Variants in OSCAR observed in about 807,000 individuals in gnomAD.
OSCAR encodes the protein osteoclast-associated immunoglobulin-like receptor.
In OSCAR, 25 loss-of-function variants were observed where a neutral mutation model predicts 27.3. That is an observed-to-expected ratio of 0.92 (90% CI 0.67 to 1.28). The LOEUF is 1.28. Ranked by LOEUF, OSCAR falls within the 50% of genes most tolerant of loss-of-function variation. The pLI, the probability that OSCAR is intolerant of heterozygous loss-of-function variation, is 0.00. For synonymous variants in OSCAR, 158 were observed against 165.7 expected, an observed-to-expected ratio of 0.95 and a Z score of 0.36; for missense variants, 354 against 355.1, an observed-to-expected ratio of 1.00 and a Z score of 0.03.
chr19:54,095,930 C>A lies in OSCAR; in HGVS notation c.597G>T (p.Thr199=), dbSNP rs1438868016. 7.6e-6 allele frequency: 12 copies of A among 1,585,090 alleles called. No individual in the cohort carries two copies. The Admixed American group carries it at 2.2e-4, about 29-fold the overall frequency. The part of the protein sequence containing the change: ...APGTYSCYYH[T]PSAPYVLSQR... ...GCGACAGCACGTAGGGCGCGGAGGG[C>A]GTGTGATAGTAGCAGCTGTAGGTGC... The change falls in exon 4 of 5, where the codon ACG becomes ACT. Residue 199 remains threonine, a synonymous_variant. Transcript: ENST00000358375.
chr19:54,098,131 T>C (rs1347916617), intron 2 of OSCAR, among the ~76,000 whole-genome samples: 1 of 152,152 alleles, frequency 6.6e-6, no homozygotes, highest in East Asian at 1.9e-4. Flanking sequence ...CTTCTTAAAA[T>C]ATAAAATAAA....
At chr19:54,099,494 T>G in intron 2 of OSCAR, 1 of 1,209,134 alleles carries the variant, frequency 8.3e-7, no homozygotes, top group Non-Finnish European at 1.2e-6. Context: ...TGTGACTTGT[T>G]CTAGGTCATA....
Position 54,097,135 on chromosome 19 carries a change from A to G in OSCAR, c.100T>C (p.Trp34Arg), listed in dbSNP as rs2072789382. 6.2e-7 allele frequency: 1 copy of G among 1,613,994 alleles called. No homozygotes were observed. The highest frequency in any genetic ancestry group is 1.3e-5 in the African/African-American group (1 of 74,910). Residue 34 changes from tryptophan (W) to arginine (R), a missense_variant, in exon 3 of 5, where the codon TGG (tryptophan) becomes CGG (arginine). Physicochemically the swap from Trp to Arg is moderately radical, Grantham distance 101 (BLOSUM62 -3). Transcript: ENST00000358375. ...ACTGTAGCCGGCTGAGCTCCCAGCCATGGCTTAGGGTGGTATGAAGCTGGG... is the reference window on the plus strand; with the variant it reads ...ACTGTAGCCGGCTGAGCTCCCAGCCGTGGCTTAGGGTGGTATGAAGCTGGG... ...VPPASYHPKP[W>R]LGAQPATVVT...
chr19:54,094,901 C>G lies in OSCAR; in HGVS notation c.*320G>C. 3.2e-6 allele frequency: 1 copy of G among 315,262 alleles called. No individual in the cohort carries two copies. The highest frequency in any genetic ancestry group is 5.6e-5 in the East Asian group (1 of 17,876). The allele number at this position is 315,262 out of a possible 1,614,324, so 19.5% of individuals were successfully genotyped here. Reference sequence around the variant, plus strand: ...AAAGTTCTCCAGGTCCCCATTCAACCCAGGAAGTCCAGCTGGCTTCACGTC... The same window carrying G: ...AAAGTTCTCCAGGTCCCCATTCAACGCAGGAAGTCCAGCTGGCTTCACGTC... On this transcript the variant is annotated 3_prime_UTR_variant, in exon 5 of 5. Transcript: ENST00000358375.
In OSCAR at chr19:54,097,315, T is replaced by A. The variant is rs587609264; in HGVS notation, c.71-151A>T. 2.4e-4 allele frequency: 188 copies of A among 799,984 alleles called. 1 individual carries two copies. Among genetic ancestry groups the A allele is most frequent in the South Asian group, 9.1e-4 (49 of 53,910 alleles). 49.6% of individuals were successfully genotyped at this position (799,984 alleles called of 1,614,324 possible). On this transcript the variant is annotated intron_variant, in intron 2 of 4. Transcript: ENST00000358375. ...TTGTAAAATCAGGGAGAGACTGGAC[T>A]ACAATCAAGCCTTGTTAAAACCAGG... is the stretch of plus-strand genomic sequence containing the variant.
rs1277935417 is a variant in OSCAR at position 54,096,866 on chromosome 19, C to CA, written c.368dup (p.Thr124AspfsTer127). The CA allele has an allele frequency of 6.2e-7, 1 of 1,612,724 alleles. No homozygotes were observed. On this transcript the variant is annotated frameshift_variant, in exon 3 of 5. Transcript: ENST00000358375. LOFTEE classifies it high-confidence loss of function. ...TCCCCGACCCCAGGACCTCACCTGT[C>CA]ACCAGCAGCTCCAGGACATCGCTGG... is the stretch of plus-strand genomic sequence containing the variant.
At chr19:54,096,774 C>T (rs375480898) in intron 3 of OSCAR, 88 bp downstream of exon 3, 11 of 1,415,416 alleles carry the variant, frequency 7.8e-6, no homozygotes, top group Admixed American at 6.6e-5. Context: ...TTGCCCGCCT[C>T]GCTCTGTCTC....
chr19:54,099,500 T>C (rs371756337), intron 2 of OSCAR: 3 of 1,239,410 alleles, frequency 2.4e-6, no homozygotes, highest in East Asian at 2.3e-5. Flanking sequence ...TTGTTCTAGG[T>C]CATATGGTCA....
Position 54,095,071 on chromosome 19 carries a change from G to T in OSCAR, c.*150C>A. On this transcript the variant is annotated 3_prime_UTR_variant, in exon 5 of 5. Coordinates refer to ENST00000358375, the MANE Select transcript of OSCAR (RefSeq NM_133169.6). ...CTCCTTGGGAAAGGCCTGGAAAGAA[G>T]CTACAGCACAGGGCACAGCGGGGTC... The T allele has an allele frequency of 7.8e-7, 1 of 1,282,518 alleles. No individual in the cohort carries two copies. The highest frequency in any genetic ancestry group is 1.0e-6 in the Non-Finnish European group (1 of 970,282). 79.4% of individuals were successfully genotyped at this position (1,282,518 alleles called of 1,614,324 possible). A position where few individuals can be genotyped will look rare whatever the true frequency, so the allele number is the denominator to read the frequency against.
intron 4 of OSCAR, 115 bp downstream of exon 4, chr19:54,095,757 C>T (rs868079201): frequency 5.4e-5 from 80 of 1,487,540 alleles, no homozygotes; most frequent in Non-Finnish European, 6.5e-5. Flanking sequence ...CAGGACTAGA[C>T]CCCTGGGTCT....
chr19:54,100,628 T>C (rs2146314106), intron 1 of OSCAR, 128 bp downstream of exon 1: 6 of 1,013,594 alleles, frequency 5.9e-6, no homozygotes, highest in Middle Eastern at 6.3e-4. Context: ...CCCAGCCCTG[T>C]TCTTTATTTG....
rs774941662 is a variant in OSCAR at position 54,099,765 on chromosome 19, G to A, written c.53C>T (p.Thr18Ile). Residue 18 changes from threonine (T) to isoleucine (I), a missense_variant, in exon 2 of 5, where the codon ACA becomes ATA. Thr to Ile is a moderately conservative substitution (Grantham distance 89). Transcript: ENST00000358375. The stretch of plus-strand genomic sequence containing the variant: ...CTACTCACCAGACGGAGTGATGTCT[G>A]TGTGACACAGAGGCCCTGTAGGAGG... ...QLLTLWPLCHTDITPSVPPAS... is the reference protein window; with the variant it reads ...QLLTLWPLCHIDITPSVPPAS... The A allele has an allele frequency of 2.9e-5, 46 of 1,613,682 alleles. No individual in the cohort carries two copies. In the Middle Eastern group the frequency reaches 5.0e-4, roughly 17 times the overall value.
Position 54,097,040 on chromosome 19 carries a change from G to GA in OSCAR, c.194dup (p.Lys66GlnfsTer185). 1.2e-6 allele frequency: 2 copies of GA among 1,614,204 alleles called. No homozygotes were observed. Among genetic ancestry groups the GA allele is most frequent in the Non-Finnish European group, 8.5e-7 (1 of 1,180,028 alleles). On this transcript the variant is annotated frameshift_variant, in exon 3 of 5. Coordinates refer to ENST00000358375, the MANE Select transcript of OSCAR (RefSeq NM_133169.6). LOFTEE classifies it high-confidence loss of function. ...GAAGGGGAGCGATCTCTCCAGGCTT[G>GA]AAAAGTCCAAATCTCCAAGCGGGTT... is the stretch of plus-strand genomic sequence containing the variant.
intron 3 of OSCAR, 132 bp from the exon 4 acceptor site, chr19:54,096,285 C>A (rs1461510359): frequency 2.4e-6 from 2 of 837,858 alleles, no homozygotes; most frequent in Admixed American, 6.6e-5. Flanking sequence ...TTTCTCTCTG[C>A]CTGTCTCTCT....
intron 1 of OSCAR, among the ~76,000 whole-genome samples, chr19:54,100,082 G>A (rs1233576296): frequency 3.9e-5 from 6 of 152,268 alleles, no homozygotes; most frequent in African/African-American, 1.4e-4. Context: ...AAAGTGCTGG[G>A]CCTCGGCTCC....
chr19:54,095,496 G>C, intron 4 of OSCAR, 139 bp from the exon 5 acceptor site: 1 of 1,434,764 alleles, frequency 7.0e-7, no homozygotes, highest in Non-Finnish European at 9.1e-7. Context: ...GTCGATGGAG[G>C]CTTCAACTCC....
Position 54,095,897 on chromosome 19 carries a change from G to A in OSCAR, c.630C>T (p.Ser210=). 2 of 1,566,238 alleles carry A rather than the reference G, an allele frequency of 1.3e-6. No homozygotes were observed. The highest frequency in any genetic ancestry group is 1.4e-5 in the African/African-American group (1 of 73,892). Residue 210 remains serine (S), a synonymous_variant, in exon 4 of 5, where the codon AGC becomes AGT. Coordinates refer to ENST00000358375, the MANE Select transcript of OSCAR (RefSeq NM_133169.6). The part of the protein sequence containing the change: ...PSAPYVLSQR[S]EVLVISWEDS... The stretch of plus-strand genomic sequence containing the variant: ...CTTCCCAGCTGATGACCAGCACCTC[G>A]CTGCGCTGCGACAGCACGTAGGGCG...
intron 4 of OSCAR, 44 bp from the exon 5 acceptor site, chr19:54,095,401 C>A (rs2072589938): frequency 6.5e-7 from 1 of 1,537,480 alleles, no homozygotes; most frequent in Non-Finnish European, 8.8e-7. Context: ...CTCCCGGACC[C>A]CAAAGTCTGG....
At chr19:54,098,421 C>T (rs2072862646) in intron 2 of OSCAR, among the ~76,000 whole-genome samples, 1 of 151,814 alleles carries the variant, frequency 6.6e-6, no homozygotes, top group African/African-American at 2.4e-5. Context: ...AAAAATTAGC[C>T]AGGCGTGGTA....
Sources: allele counts gnomAD v4.1 joint callset (sites outside exome capture counted in the v4.1 genomes callset), GRCh38; gene constraint gnomAD v4.1.1; transcripts MANE v1.5; gene names NCBI Gene and HGNC (gene_info 2026-07-23, HGNC 2026-07-21).